The following LRRC49 variants were observed in gnomAD, a reference collection of about 807,000 sequenced individuals.
The protein encoded by LRRC49 is leucine rich repeat containing 49.
A neutral mutation model predicts 83.3 loss-of-function variants in LRRC49; 50 were observed. That is an observed-to-expected ratio of 0.60 (90% CI 0.48 to 0.76). LRRC49 has a LOEUF of 0.76. LRRC49 is among the 30% of genes least tolerant of loss of function. The probability of loss-of-function intolerance (pLI) is 0.00; values close to 1 mark genes in which losing one functional copy is unlikely to be tolerated. For synonymous variants in LRRC49, 286 were observed against 283.3 expected, an observed-to-expected ratio of 1.01 and a Z score of -0.10; for missense variants, 704 against 809.1, an observed-to-expected ratio of 0.87 and a Z score of 1.58.
intron 1 of LRRC49, chr15:70,860,286 C>G (rs993033852): frequency 5.8e-5 from 32 of 548,940 alleles, no homozygotes; most frequent in Admixed American, 2.2e-4. Flanking sequence ...AAGCCCTCAG[C>G]CCACCCGCGG....
At chr15:70,880,538 A>C (rs1366797182) in intron 2 of LRRC49, among the ~76,000 whole-genome samples, 1 of 152,384 alleles carries the variant, frequency 6.6e-6, no homozygotes, top group South Asian at 2.1e-4. Flanking sequence ...TAAATTAAAA[A>C]TATTTGTGCA....
intron 14 of LRRC49, among the ~76,000 whole-genome samples, chr15:71,028,911 A>AT (rs1489718196): frequency 6.6e-6 from 1 of 151,860 alleles, no homozygotes; most frequent in South Asian, 2.1e-4. Context: ...GGATTCACTG[A>AT]TTTTTTTGAA....
chr15:70,909,825 G>A (rs1390927286), intron 5 of LRRC49, among the ~76,000 whole-genome samples: 3 of 120,496 alleles, frequency 2.5e-5, no homozygotes, highest in Non-Finnish European at 3.5e-5. Flanking sequence ...GTGACAGGGC[G>A]AGACTCCATC....
chr15:70,980,101 G>C lies in LRRC49; in HGVS notation c.922G>C (p.Glu308Gln). 6.3e-7 allele frequency: 1 copy of C among 1,599,630 alleles called. No individual in the cohort carries two copies. Among genetic ancestry groups the C allele is most frequent in the Non-Finnish European group, 8.5e-7 (1 of 1,172,680 alleles). The change falls in exon 10 of 16, where the codon GAA (glutamate) becomes CAA (glutamine). Residue 308 changes from glutamate to glutamine, a missense_variant and splice_region_variant. This residue lies in a region of LRRC49 where 168 missense variants were observed against 140.6 expected (regional missense o/e 1.20). Coordinates refer to ENST00000260382, the MANE Select transcript of LRRC49 (RefSeq NM_017691.5). ...ATACTTTTCGGAAAATGTCTTTTAGGAAGAAGAAAGGCGTATGGCATCTGT... is the reference window on the plus strand; with the variant it reads ...ATACTTTTCGGAAAATGTCTTTTAGCAAGAAGAAAGGCGTATGGCATCTGT... ...LRQLDMKRIT[E>Q]EERRMASVLA...
Position 71,006,396 on chromosome 15 carries a change from ACTCTGATTCCCCAT to A in LRRC49, c.1170-1981_1170-1968del, listed in dbSNP as rs555660203. Reference sequence around the variant, plus strand: ...GGTTTGTTGATGTTTTTGATACATAACTCTGATTCCCCATCATTTTTACATTAAACTTTTTTGCT... The same window carrying A: ...GGTTTGTTGATGTTTTTGATACATAACATTTTTACATTAAACTTTTTTGCT... On this transcript the variant is annotated intron_variant, in intron 11 of 15. Coordinates refer to ENST00000260382, the MANE Select transcript of LRRC49 (RefSeq NM_017691.5). Among the ~76,000 whole-genome samples the A allele has an allele frequency of 1.8e-4, 27 of 151,762 alleles. No homozygotes were observed. In the East Asian group the frequency reaches 2.5e-3, roughly 14 times the overall value.
In LRRC49 at chr15:71,025,531, T is replaced by C. The variant is rs182941540; in HGVS notation, c.1704-11648T>C. Reference sequence around the variant, plus strand: ...CACACAAAACAATATTAACCTTAAATGGGCTAAATGCCCCAATTAAAAGAC... The same window carrying C: ...CACACAAAACAATATTAACCTTAAACGGGCTAAATGCCCCAATTAAAAGAC... On this transcript the variant is annotated intron_variant, in intron 14 of 15. Transcript: ENST00000260382. Among the ~76,000 whole-genome samples the C allele has an allele frequency of 1.0e-3, 153 of 152,240 alleles. 1 individual carries two copies. The highest frequency in any genetic ancestry group is 3.4e-3 in the Middle Eastern group (1 of 294).
intron 11 of LRRC49, among the ~76,000 whole-genome samples, chr15:71,002,595 T>C (rs2141253201): frequency 6.6e-6 from 1 of 152,322 alleles, no homozygotes; most frequent in South Asian, 2.1e-4. Flanking sequence ...TGTGGTATTT[T>C]AGCCAACACT....
chr15:70,978,023 T>C (rs990513360), intron 9 of LRRC49, among the ~76,000 whole-genome samples: 82 of 152,228 alleles, frequency 5.4e-4, no homozygotes, highest in African/African-American at 2.0e-3. Flanking sequence ...GGTTTCTGTT[T>C]GTGCATTTTT....
At chr15:70,865,006 A>C (rs1199478820) in intron 1 of LRRC49, among the ~76,000 whole-genome samples, 1 of 152,192 alleles carries the variant, frequency 6.6e-6, no homozygotes, top group Non-Finnish European at 1.5e-5. Context: ...CACCACCAGC[A>C]CAGTCATTTT....
chr15:70,892,958 T>TA lies in LRRC49; in HGVS notation c.48+17dup. On this transcript the variant is annotated intron_variant, in intron 1 of 15. Transcript: ENST00000260382. ...TGCGAACAACGTAAGTTGGGCCTTC[T>TA]ACTTTCTCTTTCTTCCCACTGGTAC... 1 of 1,614,026 alleles carries TA rather than the reference T, an allele frequency of 6.2e-7. No individual in the cohort carries two copies. Among genetic ancestry groups the TA allele is most frequent in the South Asian group, 1.1e-5 (1 of 91,088 alleles).
intron 3 of LRRC49, among the ~76,000 whole-genome samples, chr15:70,896,656 C>T (rs1478161168): frequency 5.3e-5 from 8 of 152,136 alleles, no homozygotes; most frequent in Non-Finnish European, 1.0e-4. Flanking sequence ...GTAATGTGCT[C>T]ATGTTAAACA....
upstream of LRRC49, chr15:70,892,135 T>G: frequency 6.2e-7 from 1 of 1,613,660 alleles, no homozygotes; most frequent in Non-Finnish European, 8.5e-7. Flanking sequence ...GGTCATTGCC[T>G]CCGTACCAGT....
chr15:71,031,989 C>T (rs1370054069), intron 14 of LRRC49, among the ~76,000 whole-genome samples: 1 of 152,146 alleles, frequency 6.6e-6, no homozygotes, highest in South Asian at 2.1e-4. Context: ...AGACCGCTTT[C>T]CAGGGGAGTG....
chr15:71,026,267 G>A (rs548365519), intron 14 of LRRC49, among the ~76,000 whole-genome samples: 33 of 152,100 alleles, frequency 2.2e-4, no homozygotes, highest in South Asian at 6.2e-4. Context: ...TTATGGCTGC[G>A]TAGTATTCCA....
At chr15:70,882,699 T>C (rs748783865) in intron 2 of LRRC49, 9 of 1,612,030 alleles carry the variant, frequency 5.6e-6, no homozygotes, top group Middle Eastern at 1.7e-4. Flanking sequence ...TTGCTTTTCA[T>C]ATATCTTTAA....
chr15:70,882,458 CAT>C, intron 2 of LRRC49: 2 of 1,606,926 alleles, frequency 1.2e-6, no homozygotes, highest in Non-Finnish European at 1.7e-6. Flanking sequence ...GAGTTTTTAA[CAT>C]GTTTCTTCTT....
chr15:71,021,131 A>G (rs1412600050), intron 14 of LRRC49, among the ~76,000 whole-genome samples: 5 of 152,242 alleles, frequency 3.3e-5, no homozygotes, highest in South Asian at 2.1e-4. Context: ...CCTGGATCCC[A>G]TGTAGTGGCC....
chr15:70,969,705 T>C (rs2036923347), intron 9 of LRRC49, among the ~76,000 whole-genome samples: 1 of 152,150 alleles, frequency 6.6e-6, no homozygotes, highest in South Asian at 2.1e-4. Context: ...ACATCCCTTG[T>C]AAGTTGTATG....
intron 11 of LRRC49, among the ~76,000 whole-genome samples, chr15:71,004,476 C>T (rs983732866): frequency 6.6e-6 from 1 of 151,906 alleles, no homozygotes; most frequent in African/African-American, 2.4e-5. Flanking sequence ...ATGGTGAAAC[C>T]CCGTCTCTAC....
Sources: gnomAD v4.1 joint callset for allele counts (sites outside exome capture counted in the v4.1 genomes callset) on GRCh38, gnomAD v4.1.1 for gene constraint, gnomAD v4.1.1 regional missense constraint, MANE v1.5 for transcripts, NCBI Gene and HGNC (gene_info 2026-07-23, HGNC 2026-07-21) for gene names.